DOCK6: variants seen among roughly 807,000 people sequenced by gnomAD.
DOCK6 encodes the protein dedicator of cytokinesis 6.
Under a neutral mutation model 230.3 loss-of-function variants are expected in DOCK6, and 167 were observed. The observed-to-expected ratio is 0.73, with a 90% CI of 0.64 to 0.82. The LOEUF (loss-of-function observed/expected upper bound fraction) is 0.82, where lower values mean the gene tolerates loss of function less well. DOCK6 is among the 40% of genes least tolerant of loss of function. The pLI, the probability that DOCK6 is intolerant of heterozygous loss-of-function variation, is 0.00. For synonymous variants in DOCK6, 1,148 were observed against 1,185.0 expected, an observed-to-expected ratio of 0.97 and a Z score of 0.64; for missense variants, 2,598 against 2,825.8, an observed-to-expected ratio of 0.92 and a Z score of 1.83.
intron 30 of DOCK6, 123 bp from the exon 31 acceptor site, chr19:11,216,050 G>T: frequency 7.8e-7 from 1 of 1,289,296 alleles, no homozygotes; most frequent in Non-Finnish European, 1.1e-6. Flanking sequence ...AAGACAGATT[G>T]CCTTTTTCCT....
At chr19:11,227,959 C>T (rs2079696000) in intron 23 of DOCK6, among the ~76,000 whole-genome samples, 1 of 151,274 alleles carries the variant, frequency 6.6e-6, no homozygotes, top group Admixed American at 6.6e-5. Context: ...CTTCAAATAA[C>T]CTATTGAAGA....
At chr19:11,237,331 A>C (rs983081084) in intron 18 of DOCK6, 125 bp downstream of exon 18, 2 of 971,380 alleles carry the variant, frequency 2.1e-6, no homozygotes, top group Non-Finnish European at 3.2e-6. Context: ...AATGAGCTAC[A>C]CGGGGGCCCT....
chr19:11,250,976 C>CAG lies in DOCK6; in HGVS notation c.616_617dup (p.Leu207CysfsTer2), dbSNP rs1321312835. The CAG allele has an allele frequency of 6.2e-7, 1 of 1,613,812 alleles. No homozygotes were observed. Among genetic ancestry groups the CAG allele is most frequent in the Admixed American group, 1.7e-5 (1 of 60,006 alleles). On this transcript the variant is annotated frameshift_variant, in exon 6 of 48. Transcript: ENST00000294618. LOFTEE classifies it high-confidence loss of function. ...CATCTTCTGGGGCCGCCCGCTCTAG[C>CAG]AGAGAGGGCAGCAATGAGTCAGCTG...
rs2079477961 is a variant in DOCK6, at chr19:11,215,884, T to C, written c.3938A>G (p.Lys1313Arg). The change falls in exon 31 of 48, where the codon AAA becomes AGA. Residue 1313 changes from lysine (K) to arginine (R), a missense_variant. Physicochemically the swap from Lys to Arg is conservative, Grantham distance 26. Coordinates refer to ENST00000294618, the MANE Select transcript of DOCK6 (RefSeq NM_020812.4). Reference protein sequence around the residue: ...FERINSLTFKKSLDMKARLEE... With the variant: ...FERINSLTFKRSLDMKARLEE... The stretch of plus-strand genomic sequence containing the variant: ...TAGCCGCGCCTTCATATCCAGAGAT[T>C]TTTTGAATGTGAGGCTGTTGATGCG... 1.9e-6 allele frequency: 3 copies of C among 1,613,834 alleles called. 1 individual carries two copies. The South Asian group carries it at 3.3e-5, about 18-fold the overall frequency.
At chr19:11,216,876 C>A (rs748431326) in intron 30 of DOCK6, 38 bp downstream of exon 30, 5 of 1,607,056 alleles carry the variant, frequency 3.1e-6, no homozygotes, top group Admixed American at 3.3e-5. Context: ...ACATCCTTAG[C>A]CTGCCTCCTC....
intron 16 of DOCK6, 123 bp downstream of exon 16, chr19:11,237,922 A>T: frequency 7.1e-7 from 1 of 1,410,542 alleles, no homozygotes; most frequent in South Asian, 1.3e-5. Context: ...GCACTCTGGG[A>T]GCCTCTACCT....
intron 41 of DOCK6, 113 bp downstream of exon 41, chr19:11,203,968 C>T: frequency 7.0e-7 from 1 of 1,427,210 alleles, no homozygotes; most frequent in Non-Finnish European, 9.6e-7. Flanking sequence ...CAGCCCCAGC[C>T]CCAAGGGCCA....
intron 39 of DOCK6, among the ~76,000 whole-genome samples, chr19:11,207,339 T>G (rs944593265): frequency 6.6e-6 from 1 of 151,756 alleles, no homozygotes. Flanking sequence ...GGACTACAGG[T>G]GCATGCCACC....
Position 11,262,398 on chromosome 19 carries a change from T to C in DOCK6, c.43A>G (p.Arg15Gly). 1.0e-5 allele frequency: 13 copies of C among 1,280,430 alleles called. No homozygotes were observed. The highest frequency in any genetic ancestry group is 1.3e-5 in the Non-Finnish European group (13 of 1,012,268). The allele number at this position is 1,280,430 out of a possible 1,614,324, so 79.3% of individuals were successfully genotyped here. A position where few individuals can be genotyped will look rare whatever the true frequency, so the allele number is the denominator to read the frequency against. The change falls in exon 1 of 48, where the codon AGG (arginine) becomes GGG (glycine). Residue 15 changes from arginine to glycine, a missense_variant and splice_region_variant. Coordinates refer to ENST00000294618, the MANE Select transcript of DOCK6 (RefSeq NM_020812.4). ...ERRAFAHKIN[R>G]TVAAEVRKQV... is the part of the protein sequence containing the mutation. The stretch of plus-strand genomic sequence containing the variant: ...GAGGGGGCCCCGCGGCCACACTACC[T>C]GTTGATCTTGTGCGCGAAGGCGCGG...
intron 39 of DOCK6, among the ~76,000 whole-genome samples, chr19:11,206,806 G>A (rs4804574): frequency 0.61 from 92,573 of 151,194 alleles, 28,487 homozygotes; most frequent in East Asian, 0.65. Context: ...TTGTGGGAGT[G>A]GTGGGAAAAT....
intron 29 of DOCK6, 65 bp from the exon 30 acceptor site, chr19:11,217,161 C>G: frequency 6.3e-7 from 1 of 1,597,944 alleles, no homozygotes; most frequent in South Asian, 1.1e-5. Context: ...CCTGGCCAAT[C>G]TGTATCTTGA....
chr19:11,213,408 G>T, intron 34 of DOCK6, 80 bp from the exon 35 acceptor site: 1 of 1,528,254 alleles, frequency 6.5e-7, no homozygotes, highest in Non-Finnish European at 8.8e-7. Context: ...AATGAGGACT[G>T]CTTGGGCAGG....
At position 11,201,067 on chromosome 19, in the gene DOCK6, G is replaced by A. The variant is rs769989047; in HGVS notation, c.5689-15C>T. The A allele has an allele frequency of 1.2e-6, 2 of 1,612,884 alleles. No homozygotes were observed. The highest frequency in any genetic ancestry group is 1.7e-6 in the Non-Finnish European group (2 of 1,179,632). On this transcript the variant is annotated splice_polypyrimidine_tract_variant and intron_variant, in intron 44 of 47. Coordinates refer to ENST00000294618, the MANE Select transcript of DOCK6 (RefSeq NM_020812.4). This position sits in a 1 kb window ranked among gnomAD's most constrained non-coding sequence, Gnocchi z 4.3. The stretch of plus-strand genomic sequence containing the variant: ...GTCAGCACCGTCTGTGGGGTAAGGG[G>A]AGGGGTGTGTACTCGCTGGGGCCTG...
In DOCK6 at chr19:11,214,270, C is replaced by T. The variant is rs760592437; in HGVS notation, c.4338+5G>A. ...TAAGAATCATGGTTGTTGAGTGGTG[C>T]TCACCTTGGACACAAGGGCCCTCTG... On this transcript the variant is annotated splice_donor_5th_base_variant and intron_variant, in intron 34 of 47. Coordinates refer to ENST00000294618, the MANE Select transcript of DOCK6 (RefSeq NM_020812.4). 16 of 1,605,450 alleles carry T rather than the reference C, an allele frequency of 1.0e-5. No individual in the cohort carries two copies. In the East Asian group the frequency reaches 3.4e-4, roughly 34 times the overall value.
Position 11,204,262 on chromosome 19 carries a change from A to G in DOCK6, c.5158T>C (p.Tyr1720His), listed in dbSNP as rs1188417524. ...CCGTGCACCGCGGCCAGCTTCTTGT[A>G]GTCACGGTGGGCTTCCAGGATGGGG... ...LIPILEAHRD[Y>H]KKLAAVHGKL... is the part of the protein sequence containing the mutation. Residue 1720 changes from tyrosine to histidine, a missense_variant, in exon 40 of 48, where the codon TAC (tyrosine) becomes CAC (histidine). Coordinates refer to ENST00000294618, the MANE Select transcript of DOCK6 (RefSeq NM_020812.4). 6.2e-7 allele frequency: 1 copy of G among 1,601,970 alleles called. No individual in the cohort carries two copies. The highest frequency in any genetic ancestry group is 8.5e-7 in the Non-Finnish European group (1 of 1,173,732).
Position 11,236,418 on chromosome 19 carries a change from C to T in DOCK6, c.2320G>A (p.Ala774Thr), listed in dbSNP as rs1257879499. The change falls in exon 20 of 48, where the codon GCC becomes ACC. Residue 774 changes from alanine (A) to threonine (T), a missense_variant. Coordinates refer to ENST00000294618, the MANE Select transcript of DOCK6 (RefSeq NM_020812.4). This position sits in a 1 kb window ranked among gnomAD's most constrained non-coding sequence, Gnocchi z 5.2. ...LRLASPEPLV[A>T]FSHHVLDKLV... is the part of the protein sequence containing the mutation. ...TTGTCCAGCACGTGGTGGGAGAAGGCCACAAGGGGTTCGGGGCTGGCCAGG... is the reference window on the plus strand; with the variant it reads ...TTGTCCAGCACGTGGTGGGAGAAGGTCACAAGGGGTTCGGGGCTGGCCAGG... The T allele has an allele frequency of 1.3e-6, 2 of 1,589,344 alleles. No individual in the cohort carries two copies. Among genetic ancestry groups the T allele is most frequent in the South Asian group, 1.2e-5 (1 of 86,948 alleles).
In DOCK6 at chr19:11,249,611, T is replaced by C. The variant is rs551174341; in HGVS notation, c.720+1263A>G. Among the ~76,000 whole-genome samples the C allele has an allele frequency of 4.0e-5, 6 of 151,710 alleles. No homozygotes were observed. The South Asian group carries it at 1.3e-3, about 32-fold the overall frequency. Reference sequence around the variant, plus strand: ...GTAGGTGTCCATATATAAAAGCTATTGAGGCCAGGCGCGGTGGCTCAAGCC... The same window carrying C: ...GTAGGTGTCCATATATAAAAGCTATCGAGGCCAGGCGCGGTGGCTCAAGCC... On this transcript the variant is annotated intron_variant, in intron 6 of 47. Transcript: ENST00000294618.
At position 11,222,590 on chromosome 19, in the gene DOCK6, A is replaced by G; in HGVS notation, c.3240+145T>C. The G allele has an allele frequency of 1.0e-6, 1 of 954,234 alleles. No homozygotes were observed. The highest frequency in any genetic ancestry group is 1.5e-6 in the Non-Finnish European group (1 of 657,264). The allele number at this position is 954,234 out of a possible 1,614,324, so 59.1% of individuals were successfully genotyped here. ...AGAATGGCAAGAGAGGTGAAGGGTC[A>G]GAAGTCAAAAGTCAAACATAAGGGA... On this transcript the variant is annotated intron_variant, in intron 26 of 47. Transcript: ENST00000294618. The surrounding 1 kb of genome is among the most constrained non-coding windows in gnomAD (Gnocchi z 4.0).
intron 2 of DOCK6, among the ~76,000 whole-genome samples, chr19:11,253,275 C>T (rs974859683): frequency 6.6e-6 from 1 of 152,070 alleles, no homozygotes; most frequent in African/African-American, 2.4e-5. Flanking sequence ...CTAAAGCCTC[C>T]GCAACCCTGT....
Sources: allele counts gnomAD v4.1 joint callset (sites outside exome capture counted in the v4.1 genomes callset), GRCh38; gene constraint gnomAD v4.1.1; non-coding constraint Gnocchi (gnomAD v3.1); transcripts MANE v1.5; gene names NCBI Gene and HGNC (gene_info 2026-07-23, HGNC 2026-07-21).